The following GSG1L variants were observed in gnomAD, a reference collection of about 807,000 sequenced individuals.
GSG1L encodes germ cell-specific gene 1-like protein.
A neutral mutation model predicts 42.1 loss-of-function variants in GSG1L; 24 were observed. The observed-to-expected ratio is 0.57, with a 90% confidence interval of 0.41 to 0.80. The LOEUF is 0.80. Among genes scored for constraint, GSG1L ranks in the 30% least tolerant of loss-of-function variants. GSG1L has a pLI of 0.00. For synonymous variants in GSG1L, 215 were observed against 203.5 expected, an observed-to-expected ratio of 1.06 and a Z score of -0.48; for missense variants, 445 against 472.2, an observed-to-expected ratio of 0.94 and a Z score of 0.53.
At chr16:27,831,391 A>G (rs2140968964) in intron 4 of GSG1L, among the ~76,000 whole-genome samples, 1 of 152,090 alleles carries the variant, frequency 6.6e-6, no homozygotes, top group Non-Finnish European at 1.5e-5. Context: ...GGTCATTGGG[A>G]ACCAAAGTTA....
At chr16:27,891,797 T>C (rs2084129375) in intron 2 of GSG1L, among the ~76,000 whole-genome samples, 1 of 151,898 alleles carries the variant, frequency 6.6e-6, no homozygotes, top group Non-Finnish European at 1.5e-5. Context: ...CCCTTCTCAC[T>C]TCTCTGTAAG....
chr16:27,888,586 CGTCTCTCTCT>C (rs1396146469), intron 2 of GSG1L, among the ~76,000 whole-genome samples: 1 of 125,450 alleles, frequency 8.0e-6, no homozygotes, highest in African/African-American at 3.2e-5. Flanking sequence ...TTTCTTTCTC[CGTCTCTCTCT>C]GTCTCTCTCT....
rs1040169669 is a variant in GSG1L, at chr16:27,827,408, C to T, written c.830+1381G>A. ...AGCCCTGCCACAAACATAGGCACAG[C>T]AGCTCTAAGGATGTAGGCTGAGTTA... On this transcript the variant is annotated intron_variant, in intron 5 of 6. Transcript: ENST00000447459. Among the ~76,000 whole-genome samples the T allele has an allele frequency of 6.6e-5, 10 of 152,276 alleles. No individual in the cohort carries two copies. The East Asian group carries it at 1.9e-3, about 29-fold the overall frequency.
chr16:27,954,642 GAAC>G (rs902426115), intron 2 of GSG1L, among the ~76,000 whole-genome samples: 2 of 152,008 alleles, frequency 1.3e-5, no homozygotes, highest in African/African-American at 4.8e-5. Flanking sequence ...TTCATCAGAT[GAAC>G]TTTTTGTTTT....
chr16:27,807,594 A>G, intron 5 of GSG1L, 40 bp from the exon 6 acceptor site: 1 of 1,565,826 alleles, frequency 6.4e-7, no homozygotes, highest in African/African-American at 1.3e-5. Flanking sequence ...CCTAGGTAGG[A>G]AAGAGAAGGA....
intron 1 of GSG1L, among the ~76,000 whole-genome samples, chr16:27,969,496 T>C (rs927493032): frequency 3.3e-5 from 5 of 152,266 alleles, no homozygotes; most frequent in African/African-American, 1.2e-4. Flanking sequence ...TAATGTTTTG[T>C]GACTACCTTC....
At chr16:27,864,658 G>C (rs191204410) in intron 3 of GSG1L, among the ~76,000 whole-genome samples, 5 of 152,186 alleles carry the variant, frequency 3.3e-5, no homozygotes, top group Non-Finnish European at 7.3e-5. Flanking sequence ...ACAAGTTTCC[G>C]CCCCTTGGAC....
chr16:27,933,244 G>A (rs866394056), intron 2 of GSG1L, among the ~76,000 whole-genome samples: 10 of 152,176 alleles, frequency 6.6e-5, no homozygotes, highest in African/African-American at 2.4e-4. Flanking sequence ...GACCTGAGCA[G>A]CACTCTCAGC....
intron 2 of GSG1L, among the ~76,000 whole-genome samples, chr16:27,958,801 A>G (rs2085035175): frequency 6.6e-6 from 1 of 152,052 alleles, no homozygotes; most frequent in Non-Finnish European, 1.5e-5. Context: ...CAGCCTCCCA[A>G]GTAGCTGGGA....
At chr16:27,874,255 G>A (rs561655796) in intron 3 of GSG1L, among the ~76,000 whole-genome samples, 10 of 151,934 alleles carry the variant, frequency 6.6e-5, no homozygotes, top group East Asian at 1.9e-4. Context: ...TGGGGGCTGC[G>A]GGAGGGTCAC....
chr16:27,993,146 T>G (rs1013678899), intron 1 of GSG1L, among the ~76,000 whole-genome samples: 3 of 152,186 alleles, frequency 2.0e-5, no homozygotes, highest in Non-Finnish European at 4.4e-5. Flanking sequence ...GAGTTTCCAC[T>G]TGCTTTTTGT....
chr16:28,051,255 G>T (rs752244044), intron 1 of GSG1L, among the ~76,000 whole-genome samples: 6 of 152,156 alleles, frequency 3.9e-5, no homozygotes, highest in Non-Finnish European at 7.3e-5. Flanking sequence ...TGAAGGTCAA[G>T]GTCTAGCAGA....
intron 3 of GSG1L, among the ~76,000 whole-genome samples, chr16:27,848,868 A>C (rs2083472382): frequency 1.3e-5 from 2 of 151,978 alleles, no homozygotes; most frequent in Non-Finnish European, 2.9e-5. Context: ...GCTGGGGCTG[A>C]AGGCTGGGAG....
intron 2 of GSG1L, among the ~76,000 whole-genome samples, chr16:27,948,978 C>T (rs1241845749): frequency 6.0e-5 from 9 of 150,524 alleles, no homozygotes; most frequent in African/African-American, 2.0e-4. Flanking sequence ...AATGTGGTGG[C>T]TCAATCATGG....
chr16:27,825,067 A>T (rs1008188468), intron 5 of GSG1L, among the ~76,000 whole-genome samples: 2 of 152,152 alleles, frequency 1.3e-5, no homozygotes, highest in African/African-American at 4.8e-5. Context: ...CACCTGACCT[A>T]CACCGAGCAA....
intron 2 of GSG1L, among the ~76,000 whole-genome samples, chr16:27,935,307 G>C (rs562224262): frequency 2.0e-5 from 3 of 147,194 alleles, no homozygotes; most frequent in South Asian, 2.3e-4. Context: ...TCCTGAGCTA[G>C]TCCCATCCTG....
At chr16:27,897,139 C>G (rs2084201441) in intron 2 of GSG1L, among the ~76,000 whole-genome samples, 1 of 152,218 alleles carries the variant, frequency 6.6e-6, no homozygotes, top group Non-Finnish European at 1.5e-5. Flanking sequence ...GCTGGGATAA[C>G]AGGCATGGGC....
chr16:28,034,246 TCCCA>T (rs2086005338), intron 1 of GSG1L, among the ~76,000 whole-genome samples: 1 of 99,276 alleles, frequency 1.0e-5, no homozygotes, highest in East Asian at 3.2e-4. Context: ...TCCCATCCCA[TCCCA>T]TCCCATCCCA....
At chr16:27,982,590 T>C (rs908788120) in intron 1 of GSG1L, among the ~76,000 whole-genome samples, 1 of 152,180 alleles carries the variant, frequency 6.6e-6, no homozygotes, top group Non-Finnish European at 1.5e-5. Flanking sequence ...TGCGTTGCTA[T>C]AAAGGAATAC....
Sources: allele counts gnomAD v4.1 joint callset (sites outside exome capture counted in the v4.1 genomes callset), GRCh38; gene constraint gnomAD v4.1.1; transcripts MANE v1.5; gene names NCBI Gene and HGNC (gene_info 2026-07-23, HGNC 2026-07-21).